Variants in MAST4 observed in about 807,000 individuals in gnomAD.
The protein encoded by MAST4 is microtubule-associated serine/threonine-protein kinase 4.
Under a neutral mutation model 162.7 loss-of-function variants are expected in MAST4, and 89 were observed. The observed-to-expected ratio is 0.55, with a 90% CI of 0.46 to 0.65. The LOEUF is 0.65. Ranked by LOEUF, MAST4 falls within the 30% of genes least tolerant of loss-of-function variation. The pLI, the probability that MAST4 is intolerant of heterozygous loss-of-function variation, is 0.00. For missense variants in MAST4, 3,153 were observed against 3,374.0 expected, an observed-to-expected ratio of 0.93 and a Z score of 1.62; for synonymous variants, 1,479 against 1,361.1, an observed-to-expected ratio of 1.09 and a Z score of -1.91.
At chr5:66,981,510 G>A (rs961546584) in intron 4 of MAST4, among the ~76,000 whole-genome samples, 3 of 152,186 alleles carry the variant, frequency 2.0e-5, no homozygotes, top group African/African-American at 7.2e-5. Context: ...GGTGGGGATG[G>A]CAGCACCTGC....
rs942015139 is a variant in MAST4, at chr5:66,695,932, G to C, written c.364-63777G>C. Among the ~76,000 whole-genome samples, 119 of 152,166 alleles carry C rather than the reference G, an allele frequency of 7.8e-4. 2 individuals carry two copies. Among genetic ancestry groups the C allele is most frequent in the Middle Eastern group, 3.4e-3 (1 of 294 alleles). On this transcript the variant is annotated intron_variant, in intron 1 of 28. Coordinates refer to ENST00000403625, the MANE Select transcript of MAST4 (RefSeq NM_001164664.2). The stretch of plus-strand genomic sequence containing the variant: ...GTTTATTGCAGTACTATTCACAATA[G>C]CAAAGACATGGAATCAACCCAAATG...
chr5:66,596,767 T>A lies in MAST4; in HGVS notation c.112T>A (p.Ser38Thr). 1 of 1,390,682 alleles carries A rather than the reference T, an allele frequency of 7.2e-7. No homozygotes were observed. Among genetic ancestry groups the A allele is most frequent in the Middle Eastern group, 2.0e-4 (1 of 5,012 alleles). 86.1% of individuals were successfully genotyped at this position (1,390,682 alleles called of 1,614,324 possible). A position where few individuals can be genotyped will look rare whatever the true frequency, so the allele number is the denominator to read the frequency against. The part of the protein sequence containing the change: ...LVAASSPGAS[S>T]AESSSGSETL... Reference sequence around the variant, plus strand: ...CGCCGCGTCCTCTCCGGGTGCTTCCTCGGCCGAGTCCTCCTCGGGCTCAGA... The same window carrying A: ...CGCCGCGTCCTCTCCGGGTGCTTCCACGGCCGAGTCCTCCTCGGGCTCAGA... Residue 38 changes from serine to threonine, a missense_variant, in exon 1 of 29, where the codon TCG becomes ACG. Around this residue, in one of 7 missense-constraint regions of MAST4, gnomAD observed 327 missense variants for 336.5 expected, o/e 0.97. Transcript: ENST00000403625.
At chr5:66,670,333 AACATAT>A (rs1747528875) in intron 1 of MAST4, among the ~76,000 whole-genome samples, 1 of 152,156 alleles carries the variant, frequency 6.6e-6, no homozygotes, top group Non-Finnish European at 1.5e-5. Flanking sequence ...AGTTTTAAGA[AACATAT>A]AATTAAAATA....
chr5:66,753,301 C>T (rs1010303914), intron 1 of MAST4, among the ~76,000 whole-genome samples: 3 of 151,878 alleles, frequency 2.0e-5, no homozygotes, highest in Non-Finnish European at 2.9e-5. Flanking sequence ...TAACTAAAAT[C>T]GAGCAGAACT....
chr5:66,942,871 T>C (rs1373680555), intron 4 of MAST4, among the ~76,000 whole-genome samples: 5 of 152,238 alleles, frequency 3.3e-5, no homozygotes, highest in African/African-American at 9.6e-5. Context: ...CAGAAACTTA[T>C]TTCTTACATT....
chr5:67,114,407 G>T (rs1766635354), intron 12 of MAST4, 188 bp downstream of exon 12: 1 of 612,026 alleles, frequency 1.6e-6, no homozygotes. Flanking sequence ...GAATGAGCAT[G>T]ACCCATTTTG....
Position 67,049,061 on chromosome 5 carries a change from G to GTATATATA in MAST4, c.675-5332_675-5325dup, listed in dbSNP as rs139716277. On this transcript the variant is annotated intron_variant, in intron 4 of 28. Coordinates refer to ENST00000403625, the MANE Select transcript of MAST4 (RefSeq NM_001164664.2). ...TATATACGTGTATATATATATATAC[G>GTATATATA]TATATATATATATATATACACTACC... 3.1e-3 allele frequency among the ~76,000 whole-genome samples: 238 copies of GTATATATA among 75,854 alleles called. 4 individuals are homozygous for GTATATATA. Among genetic ancestry groups the GTATATATA allele is most frequent in the African/African-American group, 9.6e-3 (176 of 18,360 alleles). The allele number at this position is 75,854 out of a possible 152,430, so 49.8% of individuals were successfully genotyped here. A position where few individuals can be genotyped will look rare whatever the true frequency, so the allele number is the denominator to read the frequency against.
chr5:67,096,575 A>C (rs1764489472), intron 7 of MAST4, among the ~76,000 whole-genome samples: 1 of 152,170 alleles, frequency 6.6e-6, no homozygotes, highest in Admixed American at 6.5e-5. Context: ...AGGTTTAGCC[A>C]CTTAATAACA....
intron 3 of MAST4, among the ~76,000 whole-genome samples, chr5:66,796,396 TTTC>T (rs750531500): frequency 2.0e-5 from 3 of 152,178 alleles, no homozygotes; most frequent in South Asian, 2.1e-4. Context: ...TCTTAGTTTT[TTTC>T]TTCTTTTCAT....
chr5:67,062,434 T>C (rs1759743888), intron 5 of MAST4, among the ~76,000 whole-genome samples: 2 of 151,976 alleles, frequency 1.3e-5, no homozygotes, highest in East Asian at 3.9e-4. Flanking sequence ...TGGCCCTGAG[T>C]GAAATATTGC....
chr5:66,619,384 C>G (rs183859192), intron 1 of MAST4, among the ~76,000 whole-genome samples: 131 of 135,156 alleles, frequency 9.7e-4, no homozygotes, highest in Admixed American at 2.3e-3. Flanking sequence ...GAATATTTTT[C>G]TCCCTGAAAA....
At chr5:66,969,358 C>G (rs946346457) in intron 4 of MAST4, among the ~76,000 whole-genome samples, 1 of 152,172 alleles carries the variant, frequency 6.6e-6, no homozygotes, top group African/African-American at 2.4e-5. Context: ...CACATGTAAG[C>G]TTTGTGACCC....
chr5:66,834,249 G>C (rs1203966094), intron 3 of MAST4, among the ~76,000 whole-genome samples: 1 of 152,184 alleles, frequency 6.6e-6, no homozygotes, highest in Non-Finnish European at 1.5e-5. Context: ...AGCTAGAAGT[G>C]ACAGGGAGCC....
At chr5:66,902,471 T>C (rs774226896) in intron 4 of MAST4, among the ~76,000 whole-genome samples, 5 of 152,176 alleles carry the variant, frequency 3.3e-5, no homozygotes, top group Non-Finnish European at 7.4e-5. Flanking sequence ...ATACATTAAA[T>C]TGAAAGCTTT....
intron 1 of MAST4, among the ~76,000 whole-genome samples, chr5:66,703,390 G>A (rs899649550): frequency 3.3e-5 from 5 of 152,134 alleles, no homozygotes; most frequent in Admixed American, 6.6e-5. Flanking sequence ...GATGATCATT[G>A]TCATAAAATC....
At chr5:66,915,874 TCTC>T (rs1221888561) in intron 4 of MAST4, among the ~76,000 whole-genome samples, 2 of 152,198 alleles carry the variant, frequency 1.3e-5, no homozygotes, top group Non-Finnish European at 2.9e-5. Flanking sequence ...GAAATTTTCT[TCTC>T]CTACCATTAT....
intron 17 of MAST4, 150 bp downstream of exon 17, chr5:67,133,796 TC>T: frequency 1.2e-6 from 1 of 832,414 alleles, no homozygotes; most frequent in Non-Finnish European, 1.8e-6. Flanking sequence ...TGCAAATTGC[TC>T]CCATTTTTCT....
intron 1 of MAST4, among the ~76,000 whole-genome samples, chr5:66,698,900 G>A (rs187693340): frequency 3.9e-4 from 59 of 152,222 alleles, no homozygotes; most frequent in African/African-American, 7.5e-4. Context: ...GGACACCCCC[G>A]TTCTCACTTG....
intron 4 of MAST4, among the ~76,000 whole-genome samples, chr5:66,949,718 T>G (rs1489280168): frequency 6.6e-6 from 1 of 152,192 alleles, no homozygotes; most frequent in Admixed American, 6.5e-5. Flanking sequence ...TTCTATATTT[T>G]CCCATGGATT....
Sources: gnomAD v4.1 joint callset for allele counts (sites outside exome capture counted in the v4.1 genomes callset) on GRCh38, gnomAD v4.1.1 for gene constraint, gnomAD v4.1.1 regional missense constraint, MANE v1.5 for transcripts, NCBI Gene and HGNC (gene_info 2026-07-23, HGNC 2026-07-21) for gene names.